The following NCALD variants were observed in gnomAD, a reference collection of about 807,000 sequenced individuals.
NCALD encodes neurocalcin-delta.
In NCALD, 10 loss-of-function variants were observed where a neutral mutation model predicts 18.6. The observed-to-expected ratio is 0.54, with a 90% confidence interval of 0.33 to 0.91. The LOEUF is 0.91. Among genes scored for constraint, NCALD ranks in the 40% least tolerant of loss-of-function variants. The pLI is 0.03. For synonymous variants in NCALD, 88 were observed against 87.4 expected, an observed-to-expected ratio of 1.01 and a Z score of -0.04; for missense variants, 184 against 247.6, an observed-to-expected ratio of 0.74 and a Z score of 1.72.
rs117062398 is a variant in NCALD, at chr8:102,021,951, T to A, written c.-209-1662A>T. On this transcript the variant is annotated intron_variant, in intron 1 of 6. Transcript: ENST00000311028. Reference sequence around the variant, plus strand: ...ACCGGAAAAGCCATAGCCCTCTCTGTGACTCAGTTTCCTCATCTGTAAAAT... The same window carrying A: ...ACCGGAAAAGCCATAGCCCTCTCTGAGACTCAGTTTCCTCATCTGTAAAAT... 9.6e-3 allele frequency among the ~76,000 whole-genome samples: 1,460 copies of A among 152,292 alleles called. 53 individuals carry two copies. The highest frequency in any genetic ancestry group is 0.093 in the East Asian group (481 of 5,178).
At chr8:101,844,633 T>C (rs1814790615) in intron 4 of NCALD, among the ~76,000 whole-genome samples, 1 of 152,146 alleles carries the variant, frequency 6.6e-6, no homozygotes, top group Non-Finnish European at 1.5e-5. Context: ...CGTGCTGGGA[T>C]TACAGGTGTG....
intron 1 of NCALD, among the ~76,000 whole-genome samples, chr8:101,727,747 T>C (rs1816637096): frequency 6.6e-6 from 1 of 152,242 alleles, no homozygotes; most frequent in Non-Finnish European, 1.5e-5. Flanking sequence ...GAATTCCCTC[T>C]TTGGCTCACA....
chr8:102,050,530 A>G (rs931819003), intron 1 of NCALD, among the ~76,000 whole-genome samples: 7 of 150,980 alleles, frequency 4.6e-5, no homozygotes, highest in Non-Finnish European at 3.0e-5. Flanking sequence ...TCAGGAGAAG[A>G]CAGAAATGCA....
rs1005269173 is a variant in NCALD, at chr8:101,967,169, A to G, written c.-156-51311T>C. 5.1e-4 allele frequency among the ~76,000 whole-genome samples: 77 copies of G among 152,194 alleles called. 1 individual carries two copies. The highest frequency in any genetic ancestry group is 2.9e-5 in the Non-Finnish European group (2 of 68,036). On this transcript the variant is annotated intron_variant, in intron 2 of 6. Coordinates refer to the NCALD transcript ENST00000311028. ...TTTTTACCTATCTGTTGGTGATAAC[A>G]TCGTGCTTACTATGCCCTTAAAGCC...
intron 1 of NCALD, among the ~76,000 whole-genome samples, chr8:101,777,769 T>G (rs577395157): frequency 6.6e-6 from 1 of 152,088 alleles, no homozygotes; most frequent in Non-Finnish European, 1.5e-5. Flanking sequence ...TGGTGGAAAA[T>G]GTGTATGAAA....
chr8:101,892,012 C>T (rs1430731284), intron 3 of NCALD, among the ~76,000 whole-genome samples: 1 of 152,172 alleles, frequency 6.6e-6, no homozygotes, highest in African/African-American at 2.4e-5. Context: ...GGGCCCACCA[C>T]AGCTCAAGGA....
intron 2 of NCALD, among the ~76,000 whole-genome samples, chr8:101,941,096 T>C (rs950150467): frequency 9.8e-5 from 15 of 152,312 alleles, no homozygotes; most frequent in African/African-American, 2.6e-4. Context: ...CCCTCTGCAG[T>C]CTAGGCTATA....
rs564872641 is a variant in NCALD, at chr8:101,965,198, C to G, written c.-156-49340G>C. On this transcript the variant is annotated intron_variant, in intron 2 of 6. Transcript: ENST00000311028. Reference sequence around the variant, plus strand: ...AAATTAGTTCAACCATTGTGGAAGACAGTGTGGCGATTCCTCAAGGATCTA... The same window carrying G: ...AAATTAGTTCAACCATTGTGGAAGAGAGTGTGGCGATTCCTCAAGGATCTA... 7.9e-5 allele frequency among the ~76,000 whole-genome samples: 12 copies of G among 152,300 alleles called. No individual in the cohort carries two copies. The South Asian group carries it at 2.3e-3, about 29-fold the overall frequency.
At chr8:101,905,678 C>T (rs1817588526) in intron 3 of NCALD, among the ~76,000 whole-genome samples, 1 of 152,202 alleles carries the variant, frequency 6.6e-6, no homozygotes, top group Non-Finnish European at 1.5e-5. Flanking sequence ...CATGCCACTC[C>T]CTCGATAAAG....
At chr8:102,079,584 C>T (rs181558540) in intron 1 of NCALD, among the ~76,000 whole-genome samples, 25 of 152,274 alleles carry the variant, frequency 1.6e-4, no homozygotes, top group Admixed American at 6.5e-4. Flanking sequence ...ACTCTGTTGC[C>T]CATAACCCAG....
At chr8:102,080,628 G>A (rs1824496486) in intron 1 of NCALD, among the ~76,000 whole-genome samples, 1 of 152,202 alleles carries the variant, frequency 6.6e-6, no homozygotes, top group African/African-American at 2.4e-5. Context: ...TACTCAGAAG[G>A]AAGGCTCTCA....
chr8:101,951,705 G>A (rs76853898), intron 2 of NCALD, among the ~76,000 whole-genome samples: 3,721 of 152,310 alleles, frequency 0.024, 161 homozygotes, highest in African/African-American at 0.08. Flanking sequence ...ATGGTCTTAA[G>A]TCATTCAACC....
At chr8:102,004,948 A>G (rs1239722300) in intron 2 of NCALD, among the ~76,000 whole-genome samples, 2 of 152,240 alleles carry the variant, frequency 1.3e-5, no homozygotes, top group African/African-American at 2.4e-5. Context: ...CCTAGGCAAT[A>G]CCATTCAGGA....
At chr8:102,051,902 C>A (rs1279716090) in intron 1 of NCALD, among the ~76,000 whole-genome samples, 1 of 152,186 alleles carries the variant, frequency 6.6e-6, no homozygotes, top group Non-Finnish European at 1.5e-5. Flanking sequence ...TGAACAATAA[C>A]AAGGAACTAT....
At position 101,722,763 on chromosome 8, in the gene NCALD, T is replaced by C. The variant is rs553915023; in HGVS notation, c.-19-3115A>G. ...TGAGACTGATCTGTGTGCAGCTATT[T>C]TTTGGTAAACAGTAATTAAACCACA... On this transcript the variant is annotated intron_variant, in intron 1 of 3. Coordinates refer to ENST00000220931, the MANE Select transcript of NCALD (RefSeq NM_032041.3). Among the ~76,000 whole-genome samples the C allele has an allele frequency of 2.1e-4, 32 of 152,328 alleles. 1 individual carries two copies. The South Asian group carries it at 6.4e-3, about 31-fold the overall frequency.
intron 1 of NCALD, among the ~76,000 whole-genome samples, chr8:102,083,213 G>A (rs62523041): frequency 0.014 from 2,149 of 152,302 alleles, 19 homozygotes; most frequent in Non-Finnish European, 0.022. Context: ...CTCTGAAATT[G>A]TCTAATTAAA....
At chr8:101,880,073 G>C (rs1300371891) in intron 4 of NCALD, among the ~76,000 whole-genome samples, 1 of 151,386 alleles carries the variant, frequency 6.6e-6, no homozygotes, top group East Asian at 1.9e-4. Context: ...AGGAGCCCAT[G>C]GTGTGGGGGG....
At chr8:102,059,586 G>A (rs1361060636) in intron 1 of NCALD, among the ~76,000 whole-genome samples, 2 of 152,088 alleles carry the variant, frequency 1.3e-5, no homozygotes, top group African/African-American at 4.8e-5. Context: ...TATCAAAATA[G>A]GATCTAAACA....
intron 4 of NCALD, among the ~76,000 whole-genome samples, chr8:101,868,825 G>A (rs996552958): frequency 5.9e-5 from 9 of 152,194 alleles, no homozygotes; most frequent in African/African-American, 1.4e-4. Flanking sequence ...TGCATGGCCC[G>A]CTCCCACTCT....
Sources: gnomAD v4.1 joint callset for allele counts (sites outside exome capture counted in the v4.1 genomes callset) on GRCh38, gnomAD v4.1.1 for gene constraint, MANE v1.5 for transcripts, NCBI Gene and HGNC (gene_info 2026-07-23, HGNC 2026-07-21) for gene names.